The following DTWD2 variants were observed in gnomAD, a reference collection of about 807,000 sequenced individuals.
DTWD2 encodes DTW motif tRNA-uridine aminocarboxypropyltransferase 2, also known as tRNA-uridine aminocarboxypropyltransferase 2.
In DTWD2, 39 loss-of-function variants were observed where a neutral mutation model predicts 31.8. The ratio of observed to expected loss-of-function variants is 1.22; its 90% confidence interval spans 0.95 to 1.60. The LOEUF is 1.60. Among genes scored for constraint, DTWD2 ranks in the 40% most tolerant of loss-of-function variants. DTWD2 has a pLI of 0.00. For missense variants in DTWD2, 515 were observed against 381.5 expected (o/e 1.35, Z -2.92); for synonymous variants, 180 against 142.8 (o/e 1.26, Z -1.86).
At chr5:118,855,929 T>C (rs1042817358) in intron 4 of DTWD2, among the ~76,000 whole-genome samples, 14 of 152,106 alleles carry the variant, frequency 9.2e-5, no homozygotes, top group African/African-American at 2.9e-4. Flanking sequence ...TTAATATTTA[T>C]AAAATAGAAT....
intron 4 of DTWD2, among the ~76,000 whole-genome samples, chr5:118,880,189 A>G (rs541554524): frequency 6.6e-6 from 1 of 152,322 alleles, no homozygotes; most frequent in East Asian, 1.9e-4. Flanking sequence ...GTTGTGAACA[A>G]TAATCTTGTA....
intron 3 of DTWD2, among the ~76,000 whole-genome samples, chr5:118,932,537 T>G (rs1194123198): frequency 6.6e-6 from 1 of 152,108 alleles, no homozygotes; most frequent in Non-Finnish European, 1.5e-5. Flanking sequence ...CCCTAGTAGC[T>G]CAGAATATGA....
At chr5:118,846,953 C>CACAT (rs1561423583) in intron 5 of DTWD2, among the ~76,000 whole-genome samples, 2 of 137,888 alleles carry the variant, frequency 1.5e-5, no homozygotes, top group Non-Finnish European at 3.0e-5. Context: ...CACACACACA[C>CACAT]ACACACACAC....
At position 118,880,767 on chromosome 5, in the gene DTWD2, T is replaced by C. The variant is rs1414244899; in HGVS notation, c.598-32549A>G. Among the ~76,000 whole-genome samples, 6 of 152,280 alleles carry C rather than the reference T, an allele frequency of 3.9e-5. No individual in the cohort carries two copies. The East Asian group carries it at 7.7e-4, about 20-fold the overall frequency. ...CAGGCTAGTCTAAAATGTTTAAATA[T>C]TGAAATAACCATCAAAAGTCACGGC... On this transcript the variant is annotated intron_variant, in intron 4 of 5. Coordinates refer to ENST00000510708, the MANE Select transcript of DTWD2 (RefSeq NM_173666.4).
intron 2 of DTWD2, among the ~76,000 whole-genome samples, chr5:118,942,750 T>C (rs1266279348): frequency 1.3e-5 from 2 of 152,060 alleles, no homozygotes; most frequent in African/African-American, 2.4e-5. Context: ...AAAGGCACCA[T>C]ACTGTGTATA....
chr5:118,906,185 C>T (rs1239596688), intron 4 of DTWD2, among the ~76,000 whole-genome samples: 2 of 151,980 alleles, frequency 1.3e-5, no homozygotes, highest in South Asian at 2.1e-4. Flanking sequence ...TTTCAAAGAC[C>T]ACCCATACCA....
intron 4 of DTWD2, among the ~76,000 whole-genome samples, chr5:118,916,717 CATAAT>C (rs1018613588): frequency 5.1e-4 from 76 of 148,002 alleles, no homozygotes; most frequent in African/African-American, 1.9e-3. Context: ...AAAACAGAAA[CATAAT>C]AGAAATGATT....
intron 4 of DTWD2, among the ~76,000 whole-genome samples, chr5:118,855,615 A>T (rs1752115857): frequency 6.6e-6 from 1 of 152,158 alleles, no homozygotes; most frequent in Non-Finnish European, 1.5e-5. Context: ...GGGCCTAGTG[A>T]TTGGCAAGAA....
At chr5:118,867,961 T>G (rs1285868563) in intron 4 of DTWD2, among the ~76,000 whole-genome samples, 2 of 151,932 alleles carry the variant, frequency 1.3e-5, no homozygotes, top group Non-Finnish European at 2.9e-5. Flanking sequence ...AAACTGCAAA[T>G]AGTCAAAGCA....
Position 118,947,912 on chromosome 5 carries a change from T to C in DTWD2, c.219-3263A>G, listed in dbSNP as rs550437222. Among the ~76,000 whole-genome samples the C allele has an allele frequency of 4.6e-5, 7 of 152,332 alleles. No individual in the cohort carries two copies. The East Asian group carries it at 5.8e-4, about 13-fold the overall frequency. On this transcript the variant is annotated intron_variant, in intron 1 of 5. Transcript: ENST00000510708. ...ATACTATTGAGGAACTTCAGTTATATTGTGGTTTTGTATAGTTCTAAAAAT... is the reference window on the plus strand; with the variant it reads ...ATACTATTGAGGAACTTCAGTTATACTGTGGTTTTGTATAGTTCTAAAAAT...
At chr5:118,986,223 T>A (rs1755423957) in intron 1 of DTWD2, among the ~76,000 whole-genome samples, 1 of 151,980 alleles carries the variant, frequency 6.6e-6, no homozygotes, top group Non-Finnish European at 1.5e-5. Flanking sequence ...CGTTTGGGAA[T>A]GGGGGATAGG....
chr5:118,912,393 T>A (rs1463805194), intron 4 of DTWD2, among the ~76,000 whole-genome samples: 2 of 151,988 alleles, frequency 1.3e-5, no homozygotes, highest in East Asian at 3.9e-4. Flanking sequence ...GAAAAAAAAA[T>A]CCAAACTTCT....
chr5:118,978,110 C>A (rs547554631), intron 1 of DTWD2, among the ~76,000 whole-genome samples: 2 of 114,450 alleles, frequency 1.7e-5, no homozygotes, highest in East Asian at 7.8e-4. Flanking sequence ...GGAAAGGATT[C>A]CCTGCTTTTT....
chr5:118,936,915 T>C (rs1452475460), intron 3 of DTWD2, among the ~76,000 whole-genome samples: 1 of 152,098 alleles, frequency 6.6e-6, no homozygotes, highest in African/African-American at 2.4e-5. Flanking sequence ...CTACAGATTC[T>C]ACAGACATGA....
chr5:118,887,114 T>C (rs1472831716), intron 4 of DTWD2, among the ~76,000 whole-genome samples: 1 of 152,214 alleles, frequency 6.6e-6, no homozygotes, highest in Non-Finnish European at 1.5e-5. Context: ...GGCTAGAAAC[T>C]ATATGGTATA....
At chr5:118,900,078 A>G (rs923479820) in intron 4 of DTWD2, among the ~76,000 whole-genome samples, 1 of 152,152 alleles carries the variant, frequency 6.6e-6, no homozygotes, top group Non-Finnish European at 1.5e-5. Flanking sequence ...AAGTGCTGGG[A>G]TTACAGGCAC....
At chr5:118,855,318 C>G (rs756993497) in intron 4 of DTWD2, among the ~76,000 whole-genome samples, 2 of 149,312 alleles carry the variant, frequency 1.3e-5, no homozygotes, top group Non-Finnish European at 3.0e-5. Flanking sequence ...CAAAAAAAGA[C>G]AGTGTCTTGC....
In DTWD2 at chr5:118,949,911, A is replaced by G. The variant is rs111992083; in HGVS notation, c.219-5262T>C. On this transcript the variant is annotated intron_variant, in intron 1 of 5. Coordinates refer to ENST00000510708, the MANE Select transcript of DTWD2 (RefSeq NM_173666.4). ...GGGGATAACTAAAAAGGAGTGCACAAAAGAATATTGTCTAAGCGGCCGGGC... is the reference window on the plus strand; with the variant it reads ...GGGGATAACTAAAAAGGAGTGCACAGAAGAATATTGTCTAAGCGGCCGGGC... 5.1e-3 allele frequency among the ~76,000 whole-genome samples: 772 copies of G among 152,300 alleles called. 7 individuals are homozygous for G. Among genetic ancestry groups the G allele is most frequent in the African/African-American group, 0.018 (752 of 41,560 alleles).
chr5:118,850,477 CAAAAAAAAAAA>C (rs34808087), intron 4 of DTWD2, among the ~76,000 whole-genome samples: 52 of 30,478 alleles, frequency 1.7e-3, no homozygotes, highest in East Asian at 4.5e-3. Context: ...GACCCCACCA[CAAAAAAAAAAA>C]AAAAAAAAAA....
Sources: allele counts gnomAD v4.1 joint callset (sites outside exome capture counted in the v4.1 genomes callset), GRCh38; gene constraint gnomAD v4.1.1; transcripts MANE v1.5; gene names NCBI Gene and HGNC (gene_info 2026-07-23, HGNC 2026-07-21).